IGSF5: variants seen among roughly 807,000 people sequenced by gnomAD.
IGSF5 encodes immunoglobulin superfamily member 5, also known as immunoglobulin superfamily 5 like.
Under a neutral mutation model 39.4 loss-of-function variants are expected in IGSF5, and 41 were observed. The observed-to-expected ratio is 1.04, with a 90% confidence interval of 0.81 to 1.35. IGSF5 has a LOEUF of 1.35. Among genes scored for constraint, IGSF5 ranks in the 40% most tolerant of loss-of-function variants. IGSF5 has a pLI of 0.00. For missense variants in IGSF5, 487 were observed against 494.6 expected, an observed-to-expected ratio of 0.98 and a Z score of 0.15; for synonymous variants, 183 against 175.3, an observed-to-expected ratio of 1.04 and a Z score of -0.34.
intron 2 of IGSF5, among the ~76,000 whole-genome samples, chr21:39,761,598 G>A (rs1358484284): frequency 6.6e-6 from 1 of 152,188 alleles, no homozygotes; most frequent in East Asian, 1.9e-4. Flanking sequence ...AATGGGCAAA[G>A]GACATGAACA....
chr21:39,743,811 C>T (rs370859159), upstream of IGSF5, among the ~76,000 whole-genome samples: 5 of 152,320 alleles, frequency 3.3e-5, no homozygotes, highest in East Asian at 9.6e-4. Context: ...ATAATTTATA[C>T]TTCCCTCAGG....
At chr21:39,790,741 C>G (rs2086959258) in intron 6 of IGSF5, among the ~76,000 whole-genome samples, 1 of 152,142 alleles carries the variant, frequency 6.6e-6, no homozygotes, top group Non-Finnish European at 1.5e-5. Flanking sequence ...GTACTCATTT[C>G]TGTTTGGTTC....
the IGSF5 span, among the ~76,000 whole-genome samples, chr21:39,736,105 A>G: frequency 1.3e-5 from 2 of 150,564 alleles, no homozygotes; most frequent in African/African-American, 5.0e-5. Context: ...AAGGGGTCCC[A>G]GGCCCCCTGG....
intron 2 of IGSF5, among the ~76,000 whole-genome samples, chr21:39,752,459 G>A (rs1046023631): frequency 2.0e-5 from 3 of 152,110 alleles, no homozygotes; most frequent in African/African-American, 7.2e-5. Flanking sequence ...AATTGCAATT[G>A]TGCTGCTATA....
At chr21:39,790,072 C>T (rs913617570) in intron 6 of IGSF5, among the ~76,000 whole-genome samples, 1 of 152,104 alleles carries the variant, frequency 6.6e-6, no homozygotes. Context: ...TCCCCAAAGC[C>T]CCCTAGACCC....
intron 2 of IGSF5, among the ~76,000 whole-genome samples, chr21:39,753,170 A>G (rs1327878513): frequency 6.6e-6 from 1 of 152,162 alleles, no homozygotes; most frequent in Admixed American, 6.6e-5. Flanking sequence ...GTTTTTGTAT[A>G]AGGTGAGAGA....
chr21:39,771,285 C>T, intron 4 of IGSF5, 70 bp downstream of exon 4: 6 of 1,363,122 alleles, frequency 4.4e-6, no homozygotes, highest in Non-Finnish European at 5.8e-6. Context: ...GTAGAATGCT[C>T]CTTCATCCAC....
intron 5 of IGSF5, among the ~76,000 whole-genome samples, chr21:39,787,512 T>C (rs1443307661): frequency 6.7e-6 from 1 of 150,322 alleles, no homozygotes; most frequent in Admixed American, 6.7e-5. Flanking sequence ...AATCAGTCTA[T>C]GGATCCACTG....
chr21:39,740,885 C>A (rs1174215163), upstream of IGSF5, among the ~76,000 whole-genome samples: 3 of 152,114 alleles, frequency 2.0e-5, no homozygotes, highest in African/African-American at 7.2e-5. Context: ...AGTGAGTATG[C>A]CATTCACATC....
At chr21:39,768,789 A>G (rs1474978749) in intron 3 of IGSF5, among the ~76,000 whole-genome samples, 1 of 152,210 alleles carries the variant, frequency 6.6e-6, no homozygotes, top group East Asian at 1.9e-4. Flanking sequence ...TCTTATTCCA[A>G]GGGAATATTC....
At position 39,771,171 on chromosome 21, in the gene IGSF5, G is replaced by A. The variant is rs768818137; in HGVS notation, c.674G>A (p.Arg225His). The A allele has an allele frequency of 1.1e-5, 17 of 1,599,338 alleles. No homozygotes were observed. The African/African-American group carries it at 1.2e-4, about 11-fold the overall frequency. Residue 225 changes from arginine (R) to histidine (H), a missense_variant, in exon 4 of 9, where the codon CGC (arginine) becomes CAC (histidine). Arg to His is a conservative substitution (Grantham distance 29, BLOSUM62 0). Coordinates refer to ENST00000380588, the MANE Select transcript of IGSF5 (RefSeq NM_001080444.2). ...CVATWKSLKARKSATVNLTVI... is the reference protein window; with the variant it reads ...CVATWKSLKAHKSATVNLTVI... ...GCTACCTGGAAGAGCCTGAAGGCCC[G>A]CAAGTCTGCAACTGTAAATCTCACT...
At chr21:39,748,442 C>G (rs1022684225) in intron 2 of IGSF5, among the ~76,000 whole-genome samples, 7 of 151,568 alleles carry the variant, frequency 4.6e-5, no homozygotes, top group African/African-American at 1.7e-4. Flanking sequence ...ACTGGAGTAG[C>G]TGGGACTACA....
intron 5 of IGSF5, among the ~76,000 whole-genome samples, chr21:39,785,442 C>A (rs552099306): frequency 5.9e-5 from 9 of 152,224 alleles, no homozygotes; most frequent in African/African-American, 1.9e-4. Flanking sequence ...CAGTACCATG[C>A]TGTTTTGGTT....
At chr21:39,790,193 C>T (rs1005353774) in intron 6 of IGSF5, among the ~76,000 whole-genome samples, 2 of 152,204 alleles carry the variant, frequency 1.3e-5, no homozygotes, top group Non-Finnish European at 2.9e-5. Flanking sequence ...TGTGTATACT[C>T]ATTTATGTCT....
At chr21:39,740,444 T>C (rs1413214314), upstream of IGSF5, among the ~76,000 whole-genome samples, 1 of 152,224 alleles carries the variant, frequency 6.6e-6, no homozygotes, top group Non-Finnish European at 1.5e-5. Flanking sequence ...TGCATGGGCA[T>C]GGAGGACTAG....
chr21:39,789,604 A>G (rs1374900552), intron 6 of IGSF5, among the ~76,000 whole-genome samples: 2 of 152,156 alleles, frequency 1.3e-5, no homozygotes, highest in African/African-American at 4.8e-5. Flanking sequence ...AATTAAAATT[A>G]TATGTATATA....
At chr21:39,791,713 G>C (rs2086966424) in intron 6 of IGSF5, 1 of 295,606 alleles carries the variant, frequency 3.4e-6, no homozygotes, top group South Asian at 9.2e-5. Context: ...GTGGGTCATA[G>C]CTTGCTGACT....
the IGSF5 span, chr21:39,726,000 G>C: frequency 1.3e-5 from 2 of 152,208 alleles, no homozygotes; most frequent in Non-Finnish European, 2.9e-5. Context: ...GCGAAGTCAA[G>C]GAGCGTCTCA....
Position 39,771,296 on chromosome 21 carries a change from G to A in IGSF5, c.718+81G>A, listed in dbSNP as rs562037125. The stretch of plus-strand genomic sequence containing the variant: ...TTACGTAGAATGCTCCTTCATCCAC[G>A]ATGCCTGGAAAAATCATATGGCGAC... On this transcript the variant is annotated intron_variant, in intron 4 of 8. Transcript: ENST00000380588. 54 of 1,310,430 alleles carry A rather than the reference G, an allele frequency of 4.1e-5. No individual in the cohort carries two copies. The East Asian group carries it at 1.2e-3, about 29-fold the overall frequency. The allele number at this position is 1,310,430 out of a possible 1,614,324, so 81.2% of individuals were successfully genotyped here.
Sources: gnomAD v4.1 joint callset for allele counts (sites outside exome capture counted in the v4.1 genomes callset) on GRCh38, gnomAD v4.1.1 for gene constraint, MANE v1.5 for transcripts, NCBI Gene and HGNC (gene_info 2026-07-23, HGNC 2026-07-21) for gene names.